The following SENP5 variants were observed in gnomAD, a reference collection of about 807,000 sequenced individuals.
The protein encoded by SENP5 is sentrin-specific protease 5.
SENP5 carries 21 observed loss-of-function variants against 74.2 expected under a neutral mutation model. The observed-to-expected ratio is 0.28, with a 90% confidence interval of 0.20 to 0.41. The LOEUF is 0.41. Among genes scored for constraint, SENP5 ranks in the 10% least tolerant of loss-of-function variants. SENP5 has a pLI of 1.00. For missense variants in SENP5, 717 were observed against 889.1 expected, an observed-to-expected ratio of 0.81 and a Z score of 2.46; for synonymous variants, 311 against 312.7, an observed-to-expected ratio of 0.99 and a Z score of 0.06.
At chr3:196,920,504 A>G (rs528327128) in intron 6 of SENP5, among the ~76,000 whole-genome samples, 2 of 152,152 alleles carry the variant, frequency 1.3e-5, no homozygotes, top group Non-Finnish European at 2.9e-5. Context: ...CATTCTTTGC[A>G]ATCTGTATGC....
intron 5 of SENP5, 38 bp downstream of exon 5, chr3:196,900,450 C>T (rs1714648723): frequency 6.5e-7 from 1 of 1,536,286 alleles, no homozygotes. Context: ...AGAGAGTGTT[C>T]TTGTGTATTA....
At chr3:196,901,934 C>G (rs1714717374) in intron 5 of SENP5, among the ~76,000 whole-genome samples, 1 of 152,152 alleles carries the variant, frequency 6.6e-6, no homozygotes, top group Admixed American at 6.6e-5. Flanking sequence ...TGAGAACTTA[C>G]TAGAAATGCA....
intron 1 of SENP5, among the ~76,000 whole-genome samples, chr3:196,878,868 A>G (rs937018839): frequency 3.3e-5 from 5 of 152,232 alleles, no homozygotes; most frequent in Admixed American, 3.3e-4. Flanking sequence ...CTGGTAGTAC[A>G]GGCATGAGCC....
chr3:196,901,493 C>T (rs545862393), intron 5 of SENP5, among the ~76,000 whole-genome samples: 28 of 152,212 alleles, frequency 1.8e-4, no homozygotes, highest in Non-Finnish European at 4.0e-4. Flanking sequence ...AGTTTTGTTA[C>T]ATATCAAAAC....
At chr3:196,929,733 T>C (rs1577852483) in intron 9 of SENP5, 50 bp downstream of exon 9, 1 of 1,334,904 alleles carries the variant, frequency 7.5e-7, no homozygotes, top group Non-Finnish European at 1.1e-6. Flanking sequence ...ATTGAGTCTG[T>C]TGGGTTGAGA....
At chr3:196,917,880 T>C (rs557441384) in intron 6 of SENP5, among the ~76,000 whole-genome samples, 6 of 152,270 alleles carry the variant, frequency 3.9e-5, no homozygotes, top group Admixed American at 2.0e-4. Context: ...CAAAACTCAC[T>C]GGTATCAGTA....
Position 196,900,141 on chromosome 3 carries a change from C to T in SENP5, c.1758+79C>T. The T allele has an allele frequency of 3.9e-6, 6 of 1,522,766 alleles. No homozygotes were observed. In the Admixed American group the frequency reaches 6.4e-5, roughly 16 times the overall value. 94.3% of individuals were successfully genotyped at this position (1,522,766 alleles called of 1,614,324 possible). A position where few individuals can be genotyped will look rare whatever the true frequency, so the allele number is the denominator to read the frequency against. ...TAAAATATAATCTCTAGTTTGGCTT[C>T]TCAGTTGTCTTTTGGAATAAGGATT... On this transcript the variant is annotated intron_variant, in intron 4 of 9. Transcript: ENST00000323460.
chr3:196,899,142 T>C lies in SENP5; in HGVS notation c.1514-524T>C, dbSNP rs537640797. On this transcript the variant is annotated intron_variant, in intron 2 of 9. Transcript: ENST00000323460. ...CAGTTGAGCTCACCTCACAGCGTTA[T>C]TTGGTGTCATGAGTATAATAACTTA... Among the ~76,000 whole-genome samples the C allele has an allele frequency of 5.3e-5, 8 of 152,170 alleles. No individual in the cohort carries two copies. The East Asian group carries it at 1.4e-3, about 26-fold the overall frequency.
chr3:196,903,122 A>G (rs1378890200), intron 5 of SENP5, among the ~76,000 whole-genome samples: 2 of 152,034 alleles, frequency 1.3e-5, no homozygotes, highest in East Asian at 3.8e-4. Context: ...TGTATTTTCT[A>G]TATTTTGATC....
chr3:196,883,181 G>C (rs1353572217), intron 1 of SENP5, among the ~76,000 whole-genome samples: 2 of 152,076 alleles, frequency 1.3e-5, no homozygotes, highest in Non-Finnish European at 2.9e-5. Flanking sequence ...TCTTGGGTGG[G>C]GGAGGGTCAC....
intron 1 of SENP5, among the ~76,000 whole-genome samples, chr3:196,875,719 T>A (rs915773364): frequency 1.6e-4 from 24 of 152,180 alleles, no homozygotes; most frequent in African/African-American, 4.8e-4. Context: ...TGACTTTTTT[T>A]AATTTTTATT....
Position 196,934,078 on chromosome 3 carries a change from A to G in SENP5, c.*3155A>G, listed in dbSNP as rs770185532. 6.6e-6 allele frequency: 1 copy of G among 152,134 alleles called. No homozygotes were observed. The highest frequency in any genetic ancestry group is 2.4e-5 in the African/African-American group (1 of 41,430). The allele number at this position is 152,134 out of a possible 1,614,324, so 9.4% of individuals were successfully genotyped here. On this transcript the variant is annotated 3_prime_UTR_variant, in exon 10 of 10. Coordinates refer to ENST00000323460, the MANE Select transcript of SENP5 (RefSeq NM_152699.5). Reference sequence around the variant, plus strand: ...TAGCAGTGAATATAGATTTGATTCAACTTTTAGTTACGTTCTCTCAAGAAT... The same window carrying G: ...TAGCAGTGAATATAGATTTGATTCAGCTTTTAGTTACGTTCTCTCAAGAAT...
chr3:196,911,556 C>CAA (rs148985317), intron 6 of SENP5, among the ~76,000 whole-genome samples: 6 of 97,000 alleles, frequency 6.2e-5, no homozygotes, highest in African/African-American at 1.3e-4. Flanking sequence ...GACTTTGTCT[C>CAA]AAAAAAAAAA....
At chr3:196,919,793 CAA>C (rs577670068) in intron 6 of SENP5, among the ~76,000 whole-genome samples, 7 of 135,042 alleles carry the variant, frequency 5.2e-5, no homozygotes, top group Admixed American at 7.4e-5. Context: ...AACTTCATCT[CAA>C]AAAAAAAAAA....
At chr3:196,896,435 GT>G (rs964643165) in intron 2 of SENP5, among the ~76,000 whole-genome samples, 3 of 148,420 alleles carry the variant, frequency 2.0e-5, no homozygotes, top group African/African-American at 5.0e-5. Context: ...AGCTTCTAAT[GT>G]CTCCATTTGA....
chr3:196,897,790 A>G (rs961712263), intron 2 of SENP5, among the ~76,000 whole-genome samples: 6 of 152,202 alleles, frequency 3.9e-5, no homozygotes, highest in African/African-American at 1.2e-4. Flanking sequence ...TGCTCTGCCC[A>G]TTCAGCATTG....
At chr3:196,917,555 C>A (rs1326006985) in intron 6 of SENP5, among the ~76,000 whole-genome samples, 1 of 151,990 alleles carries the variant, frequency 6.6e-6, no homozygotes, top group Non-Finnish European at 1.5e-5. Flanking sequence ...AGAAAGAATC[C>A]TAAAAGCAGC....
rs997779576 is a variant in SENP5 at position 196,876,316 on chromosome 3, G to A, written c.-32+8243G>A. On this transcript the variant is annotated intron_variant, in intron 1 of 9. Coordinates refer to ENST00000323460, the MANE Select transcript of SENP5 (RefSeq NM_152699.5). ...CAGCAGGCGGATCATGAGGTCAAGA[G>A]ATCGAGACTATCCTTGCTAACACAG... Among the ~76,000 whole-genome samples the A allele has an allele frequency of 2.6e-5, 4 of 152,068 alleles. 1 individual carries two copies. Among genetic ancestry groups the A allele is most frequent in the African/African-American group, 9.7e-5 (4 of 41,430 alleles).
At position 196,933,317 on chromosome 3, in the gene SENP5, A is replaced by G. The variant is rs1175156095; in HGVS notation, c.*2394A>G. ...AGGCGGGAGCCACCGTGCCTGGCCA[A>G]TGTTAAGTATTTTAAAAGTCATTTT... On this transcript the variant is annotated 3_prime_UTR_variant, in exon 10 of 10. Transcript: ENST00000323460. The G allele has an allele frequency of 6.6e-6, 1 of 152,034 alleles. No homozygotes were observed. The highest frequency in any genetic ancestry group is 2.4e-5 in the African/African-American group (1 of 41,406). 9.4% of individuals were successfully genotyped at this position (152,034 alleles called of 1,614,324 possible).
Sources: allele counts gnomAD v4.1 joint callset (sites outside exome capture counted in the v4.1 genomes callset), GRCh38; gene constraint gnomAD v4.1.1; transcripts MANE v1.5; gene names NCBI Gene and HGNC (gene_info 2026-07-23, HGNC 2026-07-21).